Variants in OPHN1 observed in about 807,000 individuals in gnomAD.
The protein encoded by OPHN1 is oligophrenin-1.
OPHN1 carries 11 observed loss-of-function variants against 60.7 expected under a neutral mutation model. The ratio of observed to expected loss-of-function variants is 0.18; its 90% CI spans 0.11 to 0.30. OPHN1 has a LOEUF of 0.30. OPHN1 is among the 10% of genes least tolerant of loss of function. The pLI, the probability that OPHN1 is intolerant of heterozygous loss-of-function variation, is 1.00. For missense variants in OPHN1, 449 were observed against 611.0 expected, an observed-to-expected ratio of 0.73 and a Z score of 2.80; for synonymous variants, 226 against 222.6, an observed-to-expected ratio of 1.02 and a Z score of -0.14.
chrX:68,212,132 T>C lies in OPHN1; in HGVS notation c.678A>G (p.Gln226=), dbSNP rs759714173. 2 of 1,200,974 alleles carry C rather than the reference T, an allele frequency of 1.7e-6. No individual in the cohort carries two copies. The highest frequency in any genetic ancestry group is 1.8e-5 in the South Asian group (1 of 55,834). Residue 226 remains glutamine (Q), a synonymous_variant, in exon 8 of 25, where the codon CAA becomes CAG. Transcript: ENST00000355520. ...CATTCTGTAAACTGAGTTGGAGCTG[T>C]TGTTTGTATGGGAGGAAATCCTGTG... ...ELTQDFLPYK[Q]QLQLSLQNTR...
chrX:68,328,328 C>A (rs1199787714), intron 2 of OPHN1, among the ~76,000 whole-genome samples: 1 of 109,402 alleles, frequency 9.1e-6, no homozygotes, highest in Non-Finnish European at 1.9e-5. Flanking sequence ...CAGGGTTTCA[C>A]CATGTTAGCC....
At chrX:68,160,069 T>A (rs1169179250) in intron 15 of OPHN1, among the ~76,000 whole-genome samples, 2 of 109,564 alleles carry the variant, frequency 1.8e-5, no homozygotes, top group Non-Finnish European at 3.8e-5. Flanking sequence ...TATAATTATG[T>A]TAAATGTAAA....
chrX:68,070,878 G>T lies in OPHN1; in HGVS notation c.1834+2274C>A, dbSNP rs747066182. On this transcript the variant is annotated intron_variant, in intron 20 of 24. Coordinates refer to ENST00000355520, the MANE Select transcript of OPHN1 (RefSeq NM_002547.3). ...GTATGCCAGAAGCCACAGTGGCTTGGCCAGTCTTGGCATTCTCATCAAATT... is the reference window on the plus strand; with the variant it reads ...GTATGCCAGAAGCCACAGTGGCTTGTCCAGTCTTGGCATTCTCATCAAATT... 16 of 1,167,419 alleles carry T rather than the reference G, an allele frequency of 1.4e-5. No individual in the cohort carries two copies. In the Admixed American group the frequency reaches 1.8e-4, roughly 13 times the overall value.
chrX:68,416,059 TATATATATAGAGAGAG>T (rs1445948573), intron 2 of OPHN1, among the ~76,000 whole-genome samples: 119 of 6,917 alleles, frequency 0.017, 1 homozygote, highest in Non-Finnish European at 0.044. Flanking sequence ...TATATATATA[TATATATATAGAGAGAG>T]AGAGAGAGAG....
At chrX:68,427,073 GAAACCCCATCTCTACTAA>G (rs1368034974) in intron 2 of OPHN1, among the ~76,000 whole-genome samples, 1 of 78,361 alleles carries the variant, frequency 1.3e-5, no homozygotes, top group East Asian at 4.2e-4. Flanking sequence ...ACAGCATGGT[GAAACCCCATCTCTACTAA>G]AAAAAAAAAA....
At chrX:68,353,186 A>T (rs1449740851) in intron 2 of OPHN1, among the ~76,000 whole-genome samples, 1 of 109,324 alleles carries the variant, frequency 9.1e-6, no homozygotes, top group Non-Finnish European at 1.9e-5. Flanking sequence ...CATTAAGAAA[A>T]ATCAGAACAA....
At chrX:68,363,796 C>G in intron 2 of OPHN1, among the ~76,000 whole-genome samples, 1 of 110,629 alleles carries the variant, frequency 9.0e-6, no homozygotes, top group South Asian at 3.8e-4. Flanking sequence ...TAATGACATA[C>G]CTGGGATTTG....
intron 2 of OPHN1, among the ~76,000 whole-genome samples, chrX:68,430,630 C>G (rs1452034617): frequency 9.0e-6 from 1 of 110,927 alleles, no homozygotes; most frequent in Non-Finnish European, 1.9e-5. Context: ...CAAGACCAGC[C>G]TGGCTAACGT....
chrX:68,412,850 G>A (rs1299379051), intron 2 of OPHN1, among the ~76,000 whole-genome samples: 2 of 111,525 alleles, frequency 1.8e-5, no homozygotes, highest in Non-Finnish European at 3.8e-5. Context: ...GGAAGAATGC[G>A]ACTAAATATG....
chrX:68,273,457 G>A (rs953965248), intron 5 of OPHN1, among the ~76,000 whole-genome samples: 1 of 111,822 alleles, frequency 8.9e-6, no homozygotes, highest in African/African-American at 3.2e-5. Context: ...AGACATTGGA[G>A]AATCACAGAG....
At chrX:68,172,449 T>C (rs966469445) in intron 15 of OPHN1, among the ~76,000 whole-genome samples, 2 of 111,636 alleles carry the variant, frequency 1.8e-5, no homozygotes, top group Non-Finnish European at 3.8e-5. Flanking sequence ...TTACTTTGGC[T>C]TGGAGCTGGG....
intron 2 of OPHN1, among the ~76,000 whole-genome samples, chrX:68,379,151 C>A (rs1301541184): frequency 9.0e-6 from 1 of 111,019 alleles, no homozygotes; most frequent in South Asian, 3.9e-4. Context: ...TCCTTCACGT[C>A]CCTTGTAAGT....
chrX:68,217,291 C>A (rs1265009334), intron 6 of OPHN1, among the ~76,000 whole-genome samples: 3 of 112,130 alleles, frequency 2.7e-5, no homozygotes, highest in East Asian at 2.8e-4. Context: ...CCCACGCAGT[C>A]TCGCTGATTG....
chrX:68,195,063 G>GAAGGAAGGAAGGAAGGAAGA (rs1555951821), intron 12 of OPHN1, among the ~76,000 whole-genome samples: 3 of 92,207 alleles, frequency 3.3e-5, no homozygotes, highest in African/African-American at 4.7e-5. Context: ...AGGAAGGAAG[G>GAAGGAAGGAAGGAAGGAAGA]AAGAAAGAAA....
rs754940972 is a variant in OPHN1 at position 68,356,640 on chromosome X, T to A, written c.155-57544A>T. Among the ~76,000 whole-genome samples the A allele has an allele frequency of 5.4e-5, 6 of 111,073 alleles. No individual in the cohort carries two copies. The East Asian group carries it at 1.7e-3, about 31-fold the overall frequency. On this transcript the variant is annotated intron_variant, in intron 2 of 24. Coordinates refer to ENST00000355520, the MANE Select transcript of OPHN1 (RefSeq NM_002547.3). ...GTTGCCCAGGCTGGTGTCAAACTCC[T>A]GACCTCAAGTGATCCACTTGCCTTG...
At chrX:68,248,552 A>G (rs2077818397) in intron 5 of OPHN1, among the ~76,000 whole-genome samples, 1 of 111,697 alleles carries the variant, frequency 9.0e-6, no homozygotes, top group African/African-American at 3.3e-5. Context: ...ACAAAACTAA[A>G]AATTGAACTA....
chrX:68,422,928 G>A (rs1842568124), intron 2 of OPHN1, among the ~76,000 whole-genome samples: 1 of 111,997 alleles, frequency 8.9e-6, no homozygotes, highest in African/African-American at 3.3e-5. Context: ...TCACAATTCC[G>A]ACTCTAGCTC....
intron 2 of OPHN1, among the ~76,000 whole-genome samples, chrX:68,396,685 C>T (rs1354710382): frequency 3.6e-5 from 4 of 110,207 alleles, no homozygotes; most frequent in East Asian, 2.9e-4. Context: ...CATGGTGGTA[C>T]GTGCCTGTAA....
At chrX:68,424,866 G>A (rs1300466674) in intron 2 of OPHN1, among the ~76,000 whole-genome samples, 2 of 111,963 alleles carry the variant, frequency 1.8e-5, no homozygotes, top group Non-Finnish European at 3.8e-5. Context: ...ATCTGGTCTT[G>A]TGAGGAACTC....
Sources: allele counts gnomAD v4.1 joint callset (sites outside exome capture counted in the v4.1 genomes callset), GRCh38; gene constraint gnomAD v4.1.1; transcripts MANE v1.5; gene names NCBI Gene and HGNC (gene_info 2026-07-23, HGNC 2026-07-21).